CCDC148: variants seen among roughly 807,000 people sequenced by gnomAD.
CCDC148 encodes coiled-coil domain-containing protein 148.
A neutral mutation model predicts 85.7 loss-of-function variants in CCDC148; 89 were observed. That is an observed-to-expected ratio of 1.04 (90% CI 0.87 to 1.24). The LOEUF is 1.24. Among genes scored for constraint, CCDC148 ranks in the 50% most tolerant of loss-of-function variants. CCDC148 has a pLI of 0.00. For missense variants in CCDC148, 692 were observed against 671.7 expected (o/e 1.03, Z -0.33); for synonymous variants, 230 against 213.9 (o/e 1.08, Z -0.66).
At chr2:158,265,558 TTATAAG>T (rs1231267322) in intron 9 of CCDC148, among the ~76,000 whole-genome samples, 1 of 152,118 alleles carries the variant, frequency 6.6e-6, no homozygotes. Flanking sequence ...AACTTATAAT[TTATAAG>T]TATATTTTAA....
intron 2 of CCDC148, among the ~76,000 whole-genome samples, chr2:158,351,786 C>T (rs544887239): frequency 0.011 from 1,691 of 152,060 alleles, 22 homozygotes; most frequent in African/African-American, 0.034. Context: ...CACAGACAAA[C>T]AAAAAGACAG....
intron 1 of CCDC148, among the ~76,000 whole-genome samples, chr2:158,418,471 C>A (rs1686610201): frequency 1.3e-5 from 2 of 152,138 alleles, no homozygotes; most frequent in Admixed American, 1.3e-4. Context: ...TAAAAACTAT[C>A]CTAGTAACAC....
At chr2:158,179,703 T>G (rs1012743534) in intron 11 of CCDC148, among the ~76,000 whole-genome samples, 4 of 152,152 alleles carry the variant, frequency 2.6e-5, no homozygotes, top group Admixed American at 2.0e-4. Context: ...GAAGGAAAAG[T>G]AAAATAAGCT....
At chr2:158,433,092 A>AAAAAAAAATATATATATATATC (rs1559141535) in intron 1 of CCDC148, among the ~76,000 whole-genome samples, 1 of 67,316 alleles carries the variant, frequency 1.5e-5, no homozygotes, top group African/African-American at 5.1e-5. Flanking sequence ...AAAAAAAAAA[A>AAAAAAAAATATATATATATATC]TATATATATA....
chr2:158,204,226 T>C (rs923442869), intron 11 of CCDC148, among the ~76,000 whole-genome samples: 14 of 152,158 alleles, frequency 9.2e-5, no homozygotes, highest in African/African-American at 3.4e-4. Flanking sequence ...GTAATTACAA[T>C]ACAAAATGAG....
intron 9 of CCDC148, among the ~76,000 whole-genome samples, chr2:158,278,042 T>A (rs1643907605): frequency 1.3e-5 from 2 of 152,150 alleles, no homozygotes; most frequent in Non-Finnish European, 1.5e-5. Flanking sequence ...CATTAGAGTG[T>A]CCCCTTCTAA....
rs1387412158 is a variant in CCDC148, at chr2:158,345,261, GTTGTT to G, written c.200_204del (p.Lys67ThrfsTer14). 2.2e-5 allele frequency: 35 copies of G among 1,613,400 alleles called. No individual in the cohort carries two copies. The highest frequency in any genetic ancestry group is 3.0e-5 in the Non-Finnish European group (35 of 1,179,710). On this transcript the variant is annotated frameshift_variant, in exon 3 of 14. Transcript: ENST00000283233. LOFTEE classifies it high-confidence loss of function. The stretch of plus-strand genomic sequence containing the variant: ...TATTCCTGCCACCACACTTGCTTGT[GTTGTT>G]TTATTAGTGTTTGTTCTTTGGATAA...
At chr2:158,345,121 G>A (rs7568454) in intron 3 of CCDC148, 94 bp downstream of exon 3, 80,245 of 774,006 alleles carry the variant, frequency 0.1, 6,899 homozygotes, top group African/African-American at 0.38. Flanking sequence ...TTATTATAAT[G>A]GTTAATTAAC....
At chr2:158,293,538 G>A (rs1046314513) in intron 9 of CCDC148, among the ~76,000 whole-genome samples, 3 of 152,124 alleles carry the variant, frequency 2.0e-5, no homozygotes, top group Non-Finnish European at 4.4e-5. Flanking sequence ...GAGAAGCCAA[G>A]GACTATAGTC....
At chr2:158,289,113 T>A (rs1258365981) in intron 9 of CCDC148, among the ~76,000 whole-genome samples, 1 of 152,204 alleles carries the variant, frequency 6.6e-6, no homozygotes, top group African/African-American at 2.4e-5. Flanking sequence ...CAATTCAACT[T>A]GAGATTTCAG....
At chr2:158,188,107 C>A (rs1685240118) in intron 11 of CCDC148, among the ~76,000 whole-genome samples, 1 of 151,922 alleles carries the variant, frequency 6.6e-6, no homozygotes, top group African/African-American at 2.4e-5. Context: ...ATGGACAGAG[C>A]TAAGATCATG....
chr2:158,396,086 G>T (rs1191114315), intron 1 of CCDC148, among the ~76,000 whole-genome samples: 1 of 152,066 alleles, frequency 6.6e-6, no homozygotes, highest in Non-Finnish European at 1.5e-5. Flanking sequence ...GACATGGTTT[G>T]AATGTTCCAA....
At chr2:158,442,256 A>G (rs150382915) in intron 1 of CCDC148, among the ~76,000 whole-genome samples, 153 of 152,318 alleles carry the variant, frequency 1.0e-3, no homozygotes, top group African/African-American at 3.4e-3. Flanking sequence ...CTTCCCTCAG[A>G]TTCTTAGCAA....
intron 2 of CCDC148, among the ~76,000 whole-genome samples, chr2:158,357,125 T>C (rs13390796): frequency 0.17 from 25,404 of 148,400 alleles, 3,681 homozygotes; most frequent in African/African-American, 0.4. Context: ...ATATACCTAA[T>C]GCTAGATGAC....
At chr2:158,317,166 G>T (rs1692318674) in intron 7 of CCDC148, among the ~76,000 whole-genome samples, 1 of 152,034 alleles carries the variant, frequency 6.6e-6, no homozygotes, top group East Asian at 1.9e-4. Flanking sequence ...AAATTTTAAA[G>T]AAAACTTTTA....
chr2:158,407,308 G>A (rs970132369), intron 1 of CCDC148, among the ~76,000 whole-genome samples: 1 of 152,046 alleles, frequency 6.6e-6, no homozygotes, highest in Non-Finnish European at 1.5e-5. Flanking sequence ...GCTTTTTGTG[G>A]CTGGCTTCTG....
chr2:158,435,065 C>T (rs895471526), intron 1 of CCDC148, among the ~76,000 whole-genome samples: 14 of 152,110 alleles, frequency 9.2e-5, no homozygotes, highest in Non-Finnish European at 1.8e-4. Flanking sequence ...AGGATGTTAT[C>T]CAGGAGAACT....
At chr2:158,309,975 CG>C (rs1691898539) in intron 8 of CCDC148, among the ~76,000 whole-genome samples, 1 of 152,068 alleles carries the variant, frequency 6.6e-6, no homozygotes, top group Non-Finnish European at 1.5e-5. Flanking sequence ...CTCAGAGAGG[CG>C]GATTTGGCAG....
intron 9 of CCDC148, among the ~76,000 whole-genome samples, chr2:158,291,005 C>A (rs1415018316): frequency 6.6e-6 from 1 of 152,116 alleles, no homozygotes; most frequent in Non-Finnish European, 1.5e-5. Context: ...CAGACTACAT[C>A]ATCTGTCACC....
Sources: allele counts gnomAD v4.1 joint callset (sites outside exome capture counted in the v4.1 genomes callset), GRCh38; gene constraint gnomAD v4.1.1; transcripts MANE v1.5; gene names NCBI Gene and HGNC (gene_info 2026-07-23, HGNC 2026-07-21).